AGPS: variants seen among roughly 807,000 people sequenced by gnomAD.
AGPS encodes alkyldihydroxyacetonephosphate synthase, peroxisomal.
AGPS carries 26 observed loss-of-function variants against 90.7 expected under a neutral mutation model. The observed-to-expected ratio is 0.29, with a 90% CI of 0.21 to 0.40. AGPS has a LOEUF of 0.40. Ranked by LOEUF, AGPS falls within the 10% of genes least tolerant of loss-of-function variation. The pLI, the probability that AGPS is intolerant of heterozygous loss-of-function variation, is 1.00. For missense variants in AGPS, 540 were observed against 816.1 expected, an observed-to-expected ratio of 0.66 and a Z score of 4.12; for synonymous variants, 294 against 285.3, an observed-to-expected ratio of 1.03 and a Z score of -0.31.
chr2:177,426,903 GT>G (rs1255032725), intron 2 of AGPS, among the ~76,000 whole-genome samples: 1 of 152,094 alleles, frequency 6.6e-6, no homozygotes, highest in African/African-American at 2.4e-5. Flanking sequence ...TTAGGTAGCA[GT>G]CCCTCCTTTT....
intron 1 of AGPS, among the ~76,000 whole-genome samples, chr2:177,404,854 A>G (rs866590446): frequency 3.9e-5 from 6 of 152,214 alleles, no homozygotes; most frequent in South Asian, 2.1e-4. Context: ...CAGAAAGTAC[A>G]TTCTAGTTTG....
intron 19 of AGPS, among the ~76,000 whole-genome samples, chr2:177,528,724 G>A (rs2079111077): frequency 6.6e-6 from 1 of 151,910 alleles, no homozygotes; most frequent in Non-Finnish European, 1.5e-5. Context: ...GCTCTACATA[G>A]TTCAACATCA....
intron 14 of AGPS, among the ~76,000 whole-genome samples, chr2:177,500,990 A>T (rs368796170): frequency 1.3e-5 from 2 of 152,278 alleles, no homozygotes; most frequent in South Asian, 2.1e-4. Context: ...TATAGGGAGT[A>T]CGTATGTAAT....
intron 7 of AGPS, among the ~76,000 whole-genome samples, chr2:177,442,780 G>A (rs576814405): frequency 8.6e-4 from 130 of 150,668 alleles, no homozygotes; most frequent in African/African-American, 3.0e-3. Flanking sequence ...CCAGGAGGTG[G>A]AGGTTGCAGT....
intron 11 of AGPS, among the ~76,000 whole-genome samples, chr2:177,489,846 T>C (rs1688198049): frequency 6.6e-6 from 1 of 152,214 alleles, no homozygotes; most frequent in Non-Finnish European, 1.5e-5. Context: ...TAACCCATCA[T>C]TAAAATTTGT....
intron 12 of AGPS, among the ~76,000 whole-genome samples, chr2:177,494,230 G>T (rs1227284917): frequency 6.6e-6 from 1 of 152,134 alleles, no homozygotes; most frequent in African/African-American, 2.4e-5. Flanking sequence ...AGGGAAGCAT[G>T]GTTATAGTTA....
At chr2:177,406,122 C>T (rs1428433850) in intron 1 of AGPS, among the ~76,000 whole-genome samples, 3 of 152,182 alleles carry the variant, frequency 2.0e-5, no homozygotes, top group Admixed American at 6.5e-5. Flanking sequence ...GTCAGATGGA[C>T]TCTATTATCG....
At chr2:177,469,752 A>C (rs1012734961) in intron 10 of AGPS, among the ~76,000 whole-genome samples, 1 of 152,146 alleles carries the variant, frequency 6.6e-6, no homozygotes, top group Non-Finnish European at 1.5e-5. Flanking sequence ...AAAACTCATA[A>C]TTTTTCATTA....
chr2:177,484,293 T>C (rs1322231829), intron 11 of AGPS, among the ~76,000 whole-genome samples: 7 of 152,026 alleles, frequency 4.6e-5, no homozygotes, highest in Non-Finnish European at 1.0e-4. Flanking sequence ...AATAGTTTTA[T>C]TTTCCCTCTG....
chr2:177,512,928 C>T (rs1339102698), intron 16 of AGPS, among the ~76,000 whole-genome samples: 1 of 150,400 alleles, frequency 6.6e-6, no homozygotes, highest in African/African-American at 2.4e-5. Flanking sequence ...ACTGCAACCT[C>T]AACCTCCCAG....
chr2:177,493,239 C>T (rs1209045969), intron 12 of AGPS, 40 bp downstream of exon 12: 2 of 1,547,886 alleles, frequency 1.3e-6, no homozygotes, highest in Admixed American at 1.7e-5. Context: ...CATTTAGCCA[C>T]AGAAATTTAT....
intron 8 of AGPS, 51 bp from the exon 9 acceptor site, chr2:177,461,842 G>T: frequency 6.4e-7 from 1 of 1,554,024 alleles, no homozygotes; most frequent in Non-Finnish European, 8.8e-7. Flanking sequence ...GTTGAGTGCT[G>T]TACGTAATGG....
intron 8 of AGPS, among the ~76,000 whole-genome samples, chr2:177,450,069 C>T (rs559958096): frequency 6.6e-6 from 1 of 152,152 alleles, no homozygotes; most frequent in African/African-American, 2.4e-5. Context: ...GATCTCCTGA[C>T]CTTGTGATCC....
At chr2:177,412,984 T>G (rs1559035878) in intron 1 of AGPS, among the ~76,000 whole-genome samples, 1 of 151,460 alleles carries the variant, frequency 6.6e-6, no homozygotes, top group Non-Finnish European at 1.5e-5. Flanking sequence ...TCTGGAGGGG[T>G]GGAAGTCAGC....
chr2:177,447,090 C>G (rs996940706), intron 8 of AGPS, among the ~76,000 whole-genome samples: 3 of 152,038 alleles, frequency 2.0e-5, no homozygotes, highest in African/African-American at 7.2e-5. Flanking sequence ...GATGTACTGA[C>G]CATTTTGTTC....
At chr2:177,530,164 A>C (rs2079125428) in intron 19 of AGPS, among the ~76,000 whole-genome samples, 1 of 152,224 alleles carries the variant, frequency 6.6e-6, no homozygotes, top group Admixed American at 6.5e-5. Flanking sequence ...AATAGTTTTA[A>C]CACTTCATTT....
intron 11 of AGPS, among the ~76,000 whole-genome samples, chr2:177,484,951 A>G (rs1472992270): frequency 6.6e-6 from 1 of 152,026 alleles, no homozygotes; most frequent in African/African-American, 2.4e-5. Context: ...AAACTTTTGT[A>G]GAGATGGGAT....
chr2:177,531,930 C>T (rs1265044813), intron 19 of AGPS, among the ~76,000 whole-genome samples: 1 of 146,204 alleles, frequency 6.8e-6, no homozygotes, highest in East Asian at 2.0e-4. Context: ...GCGGAGGGGG[C>T]GGGGGGAAGA....
At chr2:177,394,934 ATAT>A (rs1685131033) in intron 1 of AGPS, among the ~76,000 whole-genome samples, 1 of 152,132 alleles carries the variant, frequency 6.6e-6, no homozygotes, top group Admixed American at 6.5e-5. Context: ...GAACTAAGGC[ATAT>A]TATTGGGAGT....
Sources: gnomAD v4.1 joint callset for allele counts (sites outside exome capture counted in the v4.1 genomes callset) on GRCh38, gnomAD v4.1.1 for gene constraint, MANE v1.5 for transcripts, NCBI Gene and HGNC (gene_info 2026-07-23, HGNC 2026-07-21) for gene names.